Variants in RCOR1 observed in about 807,000 individuals in gnomAD.
RCOR1 encodes REST corepressor.
A neutral mutation model predicts 64.0 loss-of-function variants in RCOR1; 12 were observed. The observed-to-expected ratio is 0.19, with a 90% CI of 0.12 to 0.30. The LOEUF (loss-of-function observed/expected upper bound fraction) is 0.30. Ranked by LOEUF, RCOR1 falls within the 10% of genes least tolerant of loss-of-function variation. The pLI is 1.00. For synonymous variants in RCOR1, 279 were observed against 227.2 expected (o/e 1.23, Z -2.05); for missense variants, 502 against 621.2 (o/e 0.81, Z 2.04).
At chr14:102,641,591 C>A (rs1159341882) in intron 2 of RCOR1, among the ~76,000 whole-genome samples, 1 of 152,026 alleles carries the variant, frequency 6.6e-6, no homozygotes, top group East Asian at 1.9e-4. Flanking sequence ...CAGAGTGAGA[C>A]CCTGTCTCAA....
At chr14:102,596,026 T>C (rs1193574713) in intron 2 of RCOR1, among the ~76,000 whole-genome samples, 1 of 152,124 alleles carries the variant, frequency 6.6e-6, no homozygotes, top group African/African-American at 2.4e-5. Flanking sequence ...TTCCTAGTGG[T>C]TTTTTATGTG....
chr14:102,719,542 T>C lies in RCOR1; in HGVS notation c.1054-1465T>C, dbSNP rs185140200. Among the ~76,000 whole-genome samples, 256 of 152,312 alleles carry C rather than the reference T, an allele frequency of 1.7e-3. 1 individual carries two copies. Among genetic ancestry groups the C allele is most frequent in the Middle Eastern group, 3.4e-3 (1 of 294 alleles). The stretch of plus-strand genomic sequence containing the variant: ...GCGATAGTTTGCTCAGAATGATGGT[T>C]TCCAGCTTCATCCATGTCCTTACAA... On this transcript the variant is annotated intron_variant, in intron 8 of 11. Coordinates refer to ENST00000262241, the MANE Select transcript of RCOR1 (RefSeq NM_015156.4).
At chr14:102,627,772 C>T (rs1027159870) in intron 2 of RCOR1, among the ~76,000 whole-genome samples, 1 of 151,896 alleles carries the variant, frequency 6.6e-6, no homozygotes, top group Non-Finnish European at 1.5e-5. Context: ...AGGCTTTTGC[C>T]CCCACTGCTC....
chr14:102,665,470 T>C lies in RCOR1; in HGVS notation c.362-16425T>C, dbSNP rs181592433. ...CATTTTTGGATTACAATATTTTCAATTTGTGATACATTTATCAGGACTAAC... is the reference window on the plus strand; with the variant it reads ...CATTTTTGGATTACAATATTTTCAACTTGTGATACATTTATCAGGACTAAC... On this transcript the variant is annotated intron_variant, in intron 2 of 11. Transcript: ENST00000262241. Among the ~76,000 whole-genome samples the C allele has an allele frequency of 1.7e-3, 256 of 152,306 alleles. 1 individual carries two copies. Among genetic ancestry groups the C allele is most frequent in the African/African-American group, 6.0e-3 (250 of 41,574 alleles).
intron 8 of RCOR1, among the ~76,000 whole-genome samples, chr14:102,720,025 A>C (rs1353502775): frequency 1.3e-5 from 2 of 152,250 alleles, no homozygotes; most frequent in African/African-American, 4.8e-5. Context: ...GGCAGCCAGC[A>C]GCCCCATGTG....
chr14:102,699,291 A>C (rs549597973), intron 3 of RCOR1, among the ~76,000 whole-genome samples: 56 of 152,342 alleles, frequency 3.7e-4, no homozygotes, highest in African/African-American at 1.3e-3. Context: ...CTGTAATCTG[A>C]GTGAAGTAAC....
chr14:102,701,932 G>A (rs1895765089), intron 4 of RCOR1, among the ~76,000 whole-genome samples: 1 of 152,156 alleles, frequency 6.6e-6, no homozygotes. Flanking sequence ...CTCCCAAAGT[G>A]TTGGGATTAC....
At chr14:102,659,804 A>G (rs573872447) in intron 2 of RCOR1, among the ~76,000 whole-genome samples, 2 of 152,304 alleles carry the variant, frequency 1.3e-5, no homozygotes, top group African/African-American at 4.8e-5. Flanking sequence ...AAGTTTGGTA[A>G]GGACGTTATT....
In RCOR1 at chr14:102,596,059, T is replaced by C. The variant is rs1375589376; in HGVS notation, c.361+2734T>C. On this transcript the variant is annotated intron_variant, in intron 2 of 11. Coordinates refer to ENST00000262241, the MANE Select transcript of RCOR1 (RefSeq NM_015156.4). ...GTGTCTTTTCATTTAACTTAAAAGC[T>C]TAAGGGGAAGGAAGGCTTCCATTTT... is the stretch of plus-strand genomic sequence containing the variant. Among the ~76,000 whole-genome samples the C allele has an allele frequency of 7.2e-5, 11 of 152,246 alleles. No individual in the cohort carries two copies. In the East Asian group the frequency reaches 2.1e-3, roughly 29 times the overall value.
At chr14:102,724,988 G>A (rs1184053855) in intron 11 of RCOR1, among the ~76,000 whole-genome samples, 1 of 152,178 alleles carries the variant, frequency 6.6e-6, no homozygotes, top group Non-Finnish European at 1.5e-5. Context: ...TAACAGAATG[G>A]TCTGTCAGTT....
intron 2 of RCOR1, among the ~76,000 whole-genome samples, chr14:102,641,794 C>A (rs1894375471): frequency 6.6e-6 from 1 of 152,138 alleles, no homozygotes; most frequent in Non-Finnish European, 1.5e-5. Flanking sequence ...CTATGTGTTA[C>A]TTCTGTCTAG....
intron 2 of RCOR1, among the ~76,000 whole-genome samples, chr14:102,608,089 A>G (rs745326961): frequency 6.6e-6 from 1 of 152,138 alleles, no homozygotes; most frequent in Non-Finnish European, 1.5e-5. Flanking sequence ...CCGTTTTACA[A>G]TGAACAATTC....
chr14:102,726,344 A>G (rs1229962795), intron 11 of RCOR1, 124 bp from the exon 12 acceptor site: 4 of 763,904 alleles, frequency 5.2e-6, no homozygotes, highest in Non-Finnish European at 8.3e-6. Flanking sequence ...AAAAAAAAAA[A>G]GAACTCGGTG....
At chr14:102,636,110 T>C (rs560031265) in intron 2 of RCOR1, among the ~76,000 whole-genome samples, 87 of 151,916 alleles carry the variant, frequency 5.7e-4, no homozygotes, top group African/African-American at 2.1e-3. Context: ...TTTTTTGTTT[T>C]TGTATTTTTA....
rs1555462967 is a variant in RCOR1, at chr14:102,632,674, C to CTTTCCTTTTCCT, written c.361+39364_361+39375dup. 1.0e-3 allele frequency among the ~76,000 whole-genome samples: 47 copies of CTTTCCTTTTCCT among 45,180 alleles called. 1 individual carries two copies. The highest frequency in any genetic ancestry group is 4.4e-3 in the South Asian group (4 of 908). 29.6% of individuals were successfully genotyped at this position (45,180 alleles called of 152,430 possible). ...CTTTCCTTTCCTTTCCTTTCCTTTC[C>CTTTCCTTTTCCT]TTTCCTTTTCCTTTTCCTTTTCCTT... On this transcript the variant is annotated intron_variant, in intron 2 of 11. Transcript: ENST00000262241.
At chr14:102,614,410 G>C (rs1270532368) in intron 2 of RCOR1, among the ~76,000 whole-genome samples, 1 of 151,514 alleles carries the variant, frequency 6.6e-6, no homozygotes, top group Non-Finnish European at 1.5e-5. Context: ...ATTTTTAGTA[G>C]AGACGGGGTT....
At chr14:102,675,443 C>T (rs979018901) in intron 2 of RCOR1, among the ~76,000 whole-genome samples, 1 of 152,084 alleles carries the variant, frequency 6.6e-6, no homozygotes, top group African/African-American at 2.4e-5. Flanking sequence ...AACAATATGC[C>T]AACATCGCCA....
chr14:102,724,529 G>A lies in RCOR1; in HGVS notation c.1420-1939G>A, dbSNP rs558926987. On this transcript the variant is annotated intron_variant, in intron 11 of 11. Coordinates refer to ENST00000262241, the MANE Select transcript of RCOR1 (RefSeq NM_015156.4). ...GTATTTTTAGTAGAGATGGGGTTTC[G>A]GCATGTTGACCAGGCTGGTTTCAAA... 2.6e-5 allele frequency among the ~76,000 whole-genome samples: 4 copies of A among 152,032 alleles called. 1 individual carries two copies. The highest frequency in any genetic ancestry group is 6.6e-5 in the Admixed American group (1 of 15,248).
chr14:102,632,055 A>G (rs1894123039), intron 2 of RCOR1, among the ~76,000 whole-genome samples: 1 of 150,798 alleles, frequency 6.6e-6, no homozygotes, highest in Admixed American at 6.6e-5. Flanking sequence ...AGTAGTCTGC[A>G]CGCCTTGGCC....
Sources: allele counts gnomAD v4.1 joint callset (sites outside exome capture counted in the v4.1 genomes callset), GRCh38; gene constraint gnomAD v4.1.1; transcripts MANE v1.5; gene names NCBI Gene and HGNC (gene_info 2026-07-23, HGNC 2026-07-21).